The following METTL21C variants were observed in gnomAD, a reference collection of about 807,000 sequenced individuals.
METTL21C encodes methyltransferase 21C, AARS1 lysine.
In METTL21C, 21 loss-of-function variants were observed where a neutral mutation model predicts 25.9. The ratio of observed to expected loss-of-function variants is 0.81; its 90% CI spans 0.58 to 1.17. METTL21C has a LOEUF of 1.17. METTL21C is among the 50% of genes most tolerant of loss of function. The pLI, the probability that METTL21C is intolerant of heterozygous loss-of-function variation, is 0.00. For synonymous variants in METTL21C, 125 were observed against 124.7 expected, an observed-to-expected ratio of 1.00 and a Z score of -0.01; for missense variants, 312 against 315.1, an observed-to-expected ratio of 0.99 and a Z score of 0.07.
upstream of METTL21C, among the ~76,000 whole-genome samples, chr13:102,695,745 C>T (rs1349886092): frequency 6.6e-6 from 1 of 152,180 alleles, no homozygotes; most frequent in Non-Finnish European, 1.5e-5. Flanking sequence ...CCAGCTCTAT[C>T]GTTCTAATGC....
intron 1 of METTL21C, among the ~76,000 whole-genome samples, chr13:102,691,644 C>T (rs12428393): frequency 6.6e-6 from 1 of 152,028 alleles, no homozygotes; most frequent in African/African-American, 2.4e-5. Flanking sequence ...CACCACGCCC[C>T]GCCAGACCTG....
At chr13:102,699,804 C>G (rs932796241), upstream of METTL21C, among the ~76,000 whole-genome samples, 1 of 151,478 alleles carries the variant, frequency 6.6e-6, no homozygotes, top group African/African-American at 2.4e-5. Context: ...GCTGCAATAC[C>G]CCCCCGACCC....
upstream of METTL21C, among the ~76,000 whole-genome samples, chr13:102,697,813 A>G (rs761217127): frequency 2.6e-5 from 4 of 152,144 alleles, no homozygotes; most frequent in Non-Finnish European, 5.9e-5. Context: ...AAAGGGTGAC[A>G]TCCTGCCACG....
chr13:102,686,135 A>G lies in METTL21C; in HGVS notation c.691T>C (p.Tyr231His). The G allele has an allele frequency of 6.2e-7, 1 of 1,614,182 alleles. No homozygotes were observed. Among genetic ancestry groups the G allele is most frequent in the Non-Finnish European group, 8.5e-7 (1 of 1,179,984 alleles). ...WANKFRFSTDYEFLDKFKQVF... is the reference protein window; with the variant it reads ...WANKFRFSTDHEFLDKFKQVF... ...TGCTTGAATTTATCTAAAAATTCATAGTCGGTGCTGAACCTGAATTTGTTT... is the reference window on the plus strand; with the variant it reads ...TGCTTGAATTTATCTAAAAATTCATGGTCGGTGCTGAACCTGAATTTGTTT... Residue 231 changes from tyrosine to histidine, a missense_variant, in exon 4 of 4, where the codon TAT (tyrosine) becomes CAT (histidine). Tyr to His is a moderately conservative substitution (Grantham distance 83, BLOSUM62 2). Coordinates refer to ENST00000267273, the MANE Select transcript of METTL21C (RefSeq NM_001010977.3).
At chr13:102,687,209 A>C (rs950655247) in intron 2 of METTL21C, 152 bp from the exon 3 acceptor site, 2 of 616,254 alleles carry the variant, frequency 3.2e-6, no homozygotes, top group East Asian at 5.4e-5. Context: ...TCAATGCCAT[A>C]TTTAGACCTC....
upstream of METTL21C, among the ~76,000 whole-genome samples, chr13:102,696,697 G>A (rs776626751): frequency 1.3e-5 from 2 of 152,032 alleles, no homozygotes; most frequent in African/African-American, 2.4e-5. Flanking sequence ...CAAATCACCC[G>A]GAAGCTTTAA....
chr13:102,687,158 A>G (rs1885697923), intron 2 of METTL21C, 101 bp from the exon 3 acceptor site: 6 of 823,434 alleles, frequency 7.3e-6, no homozygotes, highest in Admixed American at 5.8e-5. Flanking sequence ...ACATGTTATT[A>G]CATATGTTCA....
intron 1 of METTL21C, among the ~76,000 whole-genome samples, chr13:102,693,761 C>CT (rs1885884339): frequency 1.3e-5 from 2 of 152,162 alleles, no homozygotes; most frequent in African/African-American, 4.8e-5. Context: ...ATCAGATTTT[C>CT]AGATAAGGTA....
chr13:102,693,860 A>G (rs1885887116), intron 1 of METTL21C, among the ~76,000 whole-genome samples: 1 of 152,224 alleles, frequency 6.6e-6, no homozygotes, highest in Non-Finnish European at 1.5e-5. Flanking sequence ...ACCTTTAATT[A>G]TGAACACTGT....
At chr13:102,700,493 A>G in the METTL21C span, among the ~76,000 whole-genome samples, 4 of 152,220 alleles carry the variant, frequency 2.6e-5, no homozygotes, top group African/African-American at 9.6e-5. Flanking sequence ...GCCAGGTTTC[A>G]TGTTATCAAA....
chr13:102,700,676 C>G, the METTL21C span, among the ~76,000 whole-genome samples: 1 of 152,156 alleles, frequency 6.6e-6, no homozygotes, highest in African/African-American at 2.4e-5. Context: ...ATAAATGATA[C>G]CTTTCTGCAG....
At position 102,686,125 on chromosome 13, in the gene METTL21C, A is replaced by G; in HGVS notation, c.701T>C (p.Leu234Ser). Residue 234 changes from leucine (L) to serine (S), a missense_variant, in exon 4 of 4, where the codon TTA (leucine) becomes TCA (serine). Coordinates refer to ENST00000267273, the MANE Select transcript of METTL21C (RefSeq NM_001010977.3). ...GTCAAAAACTTGCTTGAATTTATCT[A>G]AAAATTCATAGTCGGTGCTGAACCT... ...KFRFSTDYEF[L>S]DKFKQVFDTT... The G allele has an allele frequency of 6.2e-7, 1 of 1,614,072 alleles. No individual in the cohort carries two copies. Among genetic ancestry groups the G allele is most frequent in the East Asian group, 2.2e-5 (1 of 44,884 alleles).
upstream of METTL21C, among the ~76,000 whole-genome samples, chr13:102,699,707 T>C (rs1170518513): frequency 1.3e-5 from 2 of 152,210 alleles, no homozygotes; most frequent in East Asian, 1.9e-4. Context: ...AGTGAAATCA[T>C]GCAATTTCAT....
At chr13:102,689,356 T>G (rs1170639797) in intron 2 of METTL21C, among the ~76,000 whole-genome samples, 2 of 152,274 alleles carry the variant, frequency 1.3e-5, no homozygotes, top group South Asian at 2.1e-4. Context: ...AGAAAAGCCT[T>G]TAGTTGAAGG....
intron 2 of METTL21C, 131 bp from the exon 3 acceptor site, chr13:102,687,188 C>A: frequency 1.5e-6 from 1 of 665,140 alleles, no homozygotes; most frequent in Non-Finnish European, 2.7e-6. Context: ...CATAAGAACC[C>A]AAATGTACAC....
intron 1 of METTL21C, among the ~76,000 whole-genome samples, chr13:102,693,052 T>C (rs1397964103): frequency 6.6e-6 from 1 of 152,158 alleles, no homozygotes; most frequent in African/African-American, 2.4e-5. Flanking sequence ...ACGATTGCTC[T>C]GGAGTAAATA....
the METTL21C span, among the ~76,000 whole-genome samples, chr13:102,703,724 G>T: frequency 6.6e-6 from 1 of 152,174 alleles, no homozygotes; most frequent in Admixed American, 6.5e-5. Context: ...AATCTAAGCT[G>T]TTGGAACTTT....
At chr13:102,703,178 C>T in the METTL21C span, among the ~76,000 whole-genome samples, 13 of 152,292 alleles carry the variant, frequency 8.5e-5, no homozygotes, top group South Asian at 2.7e-3. Context: ...ATGACTAGAT[C>T]TTCAGCAAAA....
At chr13:102,693,429 C>T (rs669965) in intron 1 of METTL21C, among the ~76,000 whole-genome samples, 30 of 152,266 alleles carry the variant, frequency 2.0e-4, no homozygotes, top group African/African-American at 6.0e-4. Flanking sequence ...CAGCCCCTGC[C>T]GGCTTCCCTG....
Sources: allele counts gnomAD v4.1 joint callset (sites outside exome capture counted in the v4.1 genomes callset), GRCh38; gene constraint gnomAD v4.1.1; transcripts MANE v1.5; gene names NCBI Gene and HGNC (gene_info 2026-07-23, HGNC 2026-07-21).